Variants in NBEA observed in about 807,000 individuals in gnomAD.
NBEA encodes the protein neurobeachin.
Under a neutral mutation model 343.4 loss-of-function variants are expected in NBEA, and 44 were observed. That is an observed-to-expected ratio of 0.13 (90% CI 0.10 to 0.16). The LOEUF is 0.16. Ranked by LOEUF, NBEA falls within the 10% of genes least tolerant of loss-of-function variation. The pLI is 1.00. For missense variants in NBEA, 2,555 were observed against 3,631.3 expected (o/e 0.70, Z 7.62); for synonymous variants, 1,175 against 1,238.7 (o/e 0.95, Z 1.08).
chr13:35,670,947 A>G lies in NBEA; in HGVS notation c.8860A>G (p.Ile2954Val). 1 of 1,593,336 alleles carries G rather than the reference A, an allele frequency of 6.3e-7. No individual in the cohort carries two copies. The highest frequency in any genetic ancestry group is 8.6e-7 in the Non-Finnish European group (1 of 1,168,968). Residue 2954 changes from isoleucine to valine, a missense_variant, in exon 59 of 59, where the codon ATA becomes GTA. Around this residue, in one of 21 missense-constraint regions of NBEA, gnomAD observed 186 missense variants for 328.9 expected, o/e 0.57. Transcript: ENST00000379939. ...TTCTGGTAGCATTGTAGCTTTTAATATAGATTTTAATCGGTGGCATTATGA... is the reference window on the plus strand; with the variant it reads ...TTCTGGTAGCATTGTAGCTTTTAATGTAGATTTTAATCGGTGGCATTATGA... Reference protein sequence around the residue: ...MASGSIVAFNIDFNRWHYEHQ... With the variant: ...MASGSIVAFNVDFNRWHYEHQ...
chr13:35,217,402 A>G (rs543289287), intron 33 of NBEA, among the ~76,000 whole-genome samples: 4 of 151,876 alleles, frequency 2.6e-5, no homozygotes, highest in South Asian at 2.1e-4. Context: ...TTACCTTTTT[A>G]TAGTTAAGCT....
At chr13:35,644,293 CTT>C (rs1376503156) in intron 49 of NBEA, among the ~76,000 whole-genome samples, 3 of 152,284 alleles carry the variant, frequency 2.0e-5, no homozygotes, top group Admixed American at 6.5e-5. Context: ...TTGGGGAACT[CTT>C]TTAAATATAT....
chr13:35,000,613 C>CACAA (rs1555271794), intron 1 of NBEA, among the ~76,000 whole-genome samples: 1 of 150,362 alleles, frequency 6.7e-6, no homozygotes, highest in Non-Finnish European at 1.5e-5. Flanking sequence ...CACACACACA[C>CACAA]GTTTTAAAAG....
At chr13:35,261,977 A>G (rs1261858461) in intron 34 of NBEA, among the ~76,000 whole-genome samples, 4 of 152,254 alleles carry the variant, frequency 2.6e-5, no homozygotes, top group Non-Finnish European at 5.9e-5. Flanking sequence ...AACTCTTATT[A>G]GCAAGAGACA....
intron 54 of NBEA, among the ~76,000 whole-genome samples, 170 bp downstream of exon 54, chr13:35,655,180 T>A (rs1226188805): frequency 6.6e-6 from 1 of 152,166 alleles, no homozygotes; most frequent in Non-Finnish European, 1.5e-5. Flanking sequence ...TATAACTTCA[T>A]GTATTCCGAA....
At chr13:35,005,542 G>C (rs1044937021) in intron 1 of NBEA, among the ~76,000 whole-genome samples, 7 of 152,176 alleles carry the variant, frequency 4.6e-5, no homozygotes, top group African/African-American at 1.7e-4. Context: ...TTGTTAGCTT[G>C]CAAGTAGGGT....
At chr13:35,437,649 A>G (rs534681986) in intron 39 of NBEA, among the ~76,000 whole-genome samples, 1 of 152,270 alleles carries the variant, frequency 6.6e-6, no homozygotes, top group South Asian at 2.1e-4. Context: ...GGTGTTTTCT[A>G]ATAGTAAAAT....
intron 36 of NBEA, among the ~76,000 whole-genome samples, chr13:35,318,497 G>T (rs942641512): frequency 6.6e-5 from 10 of 152,094 alleles, no homozygotes; most frequent in African/African-American, 2.4e-4. Context: ...GTTGGATTCC[G>T]TTTGCCAGTA....
intron 16 of NBEA, among the ~76,000 whole-genome samples, chr13:35,122,916 T>C (rs2066882835): frequency 1.3e-5 from 2 of 152,206 alleles, no homozygotes; most frequent in South Asian, 2.1e-4. Context: ...AGAGGAGATA[T>C]TGTTTCTTAG....
chr13:35,664,476 T>C (rs1322467067), intron 55 of NBEA, among the ~76,000 whole-genome samples: 2 of 152,220 alleles, frequency 1.3e-5, no homozygotes, highest in Non-Finnish European at 2.9e-5. Flanking sequence ...TTCTTTCTGA[T>C]AAAAGAAGAG....
intron 41 of NBEA, among the ~76,000 whole-genome samples, chr13:35,505,895 CATAA>C (rs1372223249): frequency 2.0e-5 from 3 of 152,070 alleles, no homozygotes; most frequent in African/African-American, 7.2e-5. Flanking sequence ...TGATTTTACT[CATAA>C]ATATTTTGCA....
intron 30 of NBEA, among the ~76,000 whole-genome samples, chr13:35,187,748 A>G (rs1454434088): frequency 6.6e-6 from 1 of 152,084 alleles, no homozygotes. Context: ...TAAAATTTCT[A>G]GTAGTATTTA....
chr13:35,387,440 C>T (rs928872167), intron 38 of NBEA, among the ~76,000 whole-genome samples: 2 of 151,656 alleles, frequency 1.3e-5, no homozygotes, highest in African/African-American at 4.8e-5. Flanking sequence ...ATTAATGGCA[C>T]CTATTCTATG....
intron 45 of NBEA, among the ~76,000 whole-genome samples, chr13:35,574,380 C>CAAAAAAAAAAAAAAAAAAAAA (rs1313695369): frequency 5.6e-5 from 7 of 124,724 alleles, no homozygotes; most frequent in East Asian, 2.3e-4. Flanking sequence ...TATACACTAT[C>CAAAAAAAAAAAAAAAAAAAAA]AAAAAAAAAG....
Position 35,195,951 on chromosome 13 carries a change from A to T in NBEA, c.5015A>T (p.His1672Leu). The T allele has an allele frequency of 1.2e-6, 2 of 1,613,608 alleles. No homozygotes were observed. The highest frequency in any genetic ancestry group is 8.5e-7 in the Non-Finnish European group (1 of 1,179,674). ...ATTCAGGTAGAAAGTTCAATTCCCC[A>T]TACAGATTCAGGAATTGGAGAGGAG... ...EDIQVESSIP[H>L]TDSGIGEEQV... is the part of the protein sequence containing the mutation. Residue 1672 changes from histidine to leucine, a missense_variant, in exon 31 of 59, where the codon CAT becomes CTT. His to Leu is a moderately conservative substitution (Grantham distance 99). Transcript: ENST00000379939.
At chr13:35,085,129 T>G (rs1440314571) in intron 10 of NBEA, among the ~76,000 whole-genome samples, 1 of 152,052 alleles carries the variant, frequency 6.6e-6, no homozygotes, top group African/African-American at 2.4e-5. Context: ...ACCAGATGGA[T>G]TCACAGCCGA....
intron 52 of NBEA, among the ~76,000 whole-genome samples, chr13:35,651,267 A>T (rs2084508445): frequency 6.6e-6 from 1 of 152,122 alleles, no homozygotes; most frequent in Non-Finnish European, 1.5e-5. Context: ...GTGTGGCCCA[A>T]TTTTTATACC....
intron 48 of NBEA, among the ~76,000 whole-genome samples, chr13:35,615,304 A>T (rs1337432901): frequency 1.5e-5 from 2 of 137,378 alleles, no homozygotes; most frequent in Non-Finnish European, 3.2e-5. Context: ...AAAAAAAAAA[A>T]AAATTAGCTG....
intron 34 of NBEA, among the ~76,000 whole-genome samples, chr13:35,241,474 A>G (rs894595986): frequency 2.6e-5 from 4 of 151,888 alleles, no homozygotes; most frequent in African/African-American, 7.2e-5. Context: ...AGAAAAAAAC[A>G]TAGGAAAATA....
Sources: gnomAD v4.1 joint callset for allele counts (sites outside exome capture counted in the v4.1 genomes callset) on GRCh38, gnomAD v4.1.1 for gene constraint, gnomAD v4.1.1 regional missense constraint, MANE v1.5 for transcripts, NCBI Gene and HGNC (gene_info 2026-07-23, HGNC 2026-07-21) for gene names.